The following BMF variants were observed in gnomAD, a reference collection of about 807,000 sequenced individuals.
BMF encodes bcl-2-modifying factor.
A neutral mutation model predicts 22.0 loss-of-function variants in BMF; 10 were observed. The observed-to-expected ratio is 0.45, with a 90% CI of 0.28 to 0.77. The LOEUF (loss-of-function observed/expected upper bound fraction) is 0.77. Among genes scored for constraint, BMF ranks in the 30% least tolerant of loss-of-function variants. The pLI is 0.13. For missense variants in BMF, 206 were observed against 226.8 expected (o/e 0.91, Z 0.59); for synonymous variants, 87 against 88.1 (o/e 0.99, Z 0.07).
At chr15:40,092,952 C>T (rs755025944) in intron 4 of BMF, among the ~76,000 whole-genome samples, 4 of 152,204 alleles carry the variant, frequency 2.6e-5, no homozygotes, top group Non-Finnish European at 5.9e-5. Flanking sequence ...TGGATTACTT[C>T]AGTGGCCCCG....
chr15:40,094,120 C>A (rs118105431), intron 4 of BMF, among the ~76,000 whole-genome samples: 269 of 152,208 alleles, frequency 1.8e-3, no homozygotes, highest in Non-Finnish European at 3.0e-3. Context: ...GCTCAATGGC[C>A]AAGGAAAGCA....
chr15:40,096,856 A>G (rs1293444217), intron 4 of BMF, among the ~76,000 whole-genome samples: 1 of 152,230 alleles, frequency 6.6e-6, no homozygotes, highest in East Asian at 1.9e-4. Flanking sequence ...CTAACTGAAG[A>G]TCAAACAGAA....
rs2036582970 is a variant in BMF at position 40,106,141 on chromosome 15, A to G, written c.-5-50T>C. ...TGGGCTGCTGCCCCACCAGGGCCAT[A>G]CCTGGAAGGACTCCCCTTCCCTTCT... On this transcript the variant is annotated intron_variant, in intron 2 of 4. Coordinates refer to ENST00000354670, the MANE Select transcript of BMF (RefSeq NM_001003940.2). The surrounding 1 kb of genome is among the most constrained non-coding windows in gnomAD (Gnocchi z 4.1). 6.6e-7 allele frequency: 1 copy of G among 1,518,246 alleles called. No homozygotes were observed. The highest frequency in any genetic ancestry group is 8.8e-7 in the Non-Finnish European group (1 of 1,135,336). 94.0% of individuals were successfully genotyped at this position (1,518,246 alleles called of 1,614,324 possible). A position where few individuals can be genotyped will look rare whatever the true frequency, so the allele number is the denominator to read the frequency against.
At chr15:40,104,486 C>G (rs2036544552) in intron 3 of BMF, 146 bp from the exon 4 acceptor site, 1 of 1,050,674 alleles carries the variant, frequency 9.5e-7, no homozygotes, top group African/African-American at 1.6e-5. Context: ...TTGGAGCACT[C>G]TGCCAAGCTT....
intron 3 of BMF, among the ~76,000 whole-genome samples, chr15:40,104,982 G>A (rs1010806413): frequency 6.6e-6 from 1 of 152,100 alleles, no homozygotes; most frequent in African/African-American, 2.4e-5. Flanking sequence ...CCAGTCCGCC[G>A]GGCTCCTCGC....
chr15:40,093,667 A>G (rs1012573330), intron 4 of BMF, among the ~76,000 whole-genome samples: 2 of 152,168 alleles, frequency 1.3e-5, no homozygotes, highest in African/African-American at 4.8e-5. Context: ...TCATCCCTGG[A>G]GAGGCCAGTC....
In BMF at chr15:40,105,046, A is replaced by G. The variant is rs59751232; in HGVS notation, c.293-706T>C. Among the ~76,000 whole-genome samples the G allele has an allele frequency of 2.4e-4, 36 of 152,290 alleles. 1 individual carries two copies. In the East Asian group the frequency reaches 7.0e-3, roughly 29 times the overall value. ...TTATCCAACTTCTCAGACTCCCGCC[A>G]GAACTGCTTTGCCAGAACTGCCCTA... On this transcript the variant is annotated intron_variant, in intron 3 of 4. Coordinates refer to ENST00000354670, the MANE Select transcript of BMF (RefSeq NM_001003940.2).
chr15:40,099,953 A>G (rs2036442421), intron 4 of BMF, among the ~76,000 whole-genome samples: 1 of 152,150 alleles, frequency 6.6e-6, no homozygotes, highest in African/African-American at 2.4e-5. Context: ...GTTTTCTCAG[A>G]TTTCATTTGC....
At position 40,106,539 on chromosome 15, in the gene BMF, C is replaced by CACACACACACACAG. The variant is rs1245904008; in HGVS notation, c.-5-449_-5-448insCTGTGTGTGTGTGT. The CACACACACACACAG allele has an allele frequency of 6.7e-6, 1 of 150,176 alleles. No homozygotes were observed. The highest frequency in any genetic ancestry group is 1.5e-5 in the Non-Finnish European group (1 of 68,622). The allele number at this position is 150,176 out of a possible 1,614,324, so 9.3% of individuals were successfully genotyped here. On this transcript the variant is annotated intron_variant, in intron 2 of 4. Transcript: ENST00000354670. This position sits in a 1 kb window ranked among gnomAD's most constrained non-coding sequence, Gnocchi z 4.1. ...CACAACACACACACACACACACACACACACACACACACATACAGAGTCATT... is the reference window on the plus strand; with the variant it reads ...CACAACACACACACACACACACACACACACACACACACAGACACACACACACATACAGAGTCATT...
In BMF at chr15:40,105,857, G is replaced by A. The variant is rs769261125; in HGVS notation, c.230C>T (p.Ser77Phe). The stretch of plus-strand genomic sequence containing the variant: ...AGGCAGCATGACACCTTGGCTGGGG[G>A]AGGCTGGGCTGAGAGTCTGGGTAGC... ...DKATQTLSPASPSQGVMLPCG... is the reference protein window; with the variant it reads ...DKATQTLSPAFPSQGVMLPCG... Residue 77 changes from serine to phenylalanine, a missense_variant, in exon 3 of 5, where the codon TCC becomes TTC. Coordinates refer to ENST00000354670, the MANE Select transcript of BMF (RefSeq NM_001003940.2). The A allele has an allele frequency of 4.3e-6, 7 of 1,614,148 alleles. 1 individual carries two copies. The highest frequency in any genetic ancestry group is 1.6e-4 in the Middle Eastern group (1 of 6,062).
rs1160788482 is a variant in BMF, at chr15:40,105,869, A to C, written c.218T>G (p.Leu73Arg). 1 of 1,613,806 alleles carries C rather than the reference A, an allele frequency of 6.2e-7. No individual in the cohort carries two copies. Among genetic ancestry groups the C allele is most frequent in the Non-Finnish European group, 8.5e-7 (1 of 1,179,932 alleles). The change falls in exon 3 of 5, where the codon CTC (leucine) becomes CGC (arginine). Residue 73 changes from leucine to arginine, a missense_variant. Leu to Arg is a moderately radical substitution (Grantham distance 102). Transcript: ENST00000354670. Reference sequence around the variant, plus strand: ...ACCTTGGCTGGGGGAGGCTGGGCTGAGAGTCTGGGTAGCTTTGTCTTCCTG... The same window carrying C: ...ACCTTGGCTGGGGGAGGCTGGGCTGCGAGTCTGGGTAGCTTTGTCTTCCTG... The part of the protein sequence containing the change: ...TSQEDKATQT[L>R]SPASPSQGVM...
chr15:40,103,763 G>A (rs940632686), intron 4 of BMF, among the ~76,000 whole-genome samples: 16 of 152,170 alleles, frequency 1.1e-4, no homozygotes, highest in African/African-American at 2.7e-4. Context: ...CTGGTTACCC[G>A]TTTCCCACTG....
intron 4 of BMF, among the ~76,000 whole-genome samples, chr15:40,097,502 G>A (rs184030617): frequency 1.2e-4 from 18 of 152,328 alleles, no homozygotes; most frequent in African/African-American, 4.3e-4. Context: ...CTTGTTTTCC[G>A]GAATGTGATT....
chr15:40,102,930 T>C (rs537938074), intron 4 of BMF, among the ~76,000 whole-genome samples: 1 of 152,314 alleles, frequency 6.6e-6, no homozygotes, highest in African/African-American at 2.4e-5. Context: ...CCACCCTCCC[T>C]TCCTGATCAC....
intron 4 of BMF, among the ~76,000 whole-genome samples, chr15:40,095,481 G>A (rs1460120827): frequency 6.6e-6 from 1 of 152,198 alleles, no homozygotes; most frequent in African/African-American, 2.4e-5. Flanking sequence ...AACCAGGAAT[G>A]AGTGTACTTG....
chr15:40,101,584 C>A (rs1374951963), intron 4 of BMF, among the ~76,000 whole-genome samples: 1 of 152,146 alleles, frequency 6.6e-6, no homozygotes, highest in African/African-American at 2.4e-5. Context: ...GGAGGAGTGA[C>A]AACAGTACTT....
intron 4 of BMF, among the ~76,000 whole-genome samples, chr15:40,101,102 G>A (rs2141032374): frequency 6.6e-6 from 1 of 152,324 alleles, no homozygotes; most frequent in Admixed American, 6.5e-5. Context: ...TAAGGCCAAG[G>A]TCCACAGATG....
At chr15:40,095,668 G>A (rs2036343376) in intron 4 of BMF, among the ~76,000 whole-genome samples, 1 of 152,182 alleles carries the variant, frequency 6.6e-6, no homozygotes, top group African/African-American at 2.4e-5. Flanking sequence ...ATACAGAGGA[G>A]GGGAAGCTCA....
chr15:40,105,743 CCT>C, intron 3 of BMF, 50 bp downstream of exon 3: 1 of 1,520,266 alleles, frequency 6.6e-7, no homozygotes, highest in Non-Finnish European at 8.8e-7. Context: ...GGGAAAGTCC[CCT>C]CTTTTCCCCC....
Sources: allele counts gnomAD v4.1 joint callset (sites outside exome capture counted in the v4.1 genomes callset), GRCh38; gene constraint gnomAD v4.1.1; non-coding constraint Gnocchi (gnomAD v3.1); transcripts MANE v1.5; gene names NCBI Gene and HGNC (gene_info 2026-07-23, HGNC 2026-07-21).